The following MYO7B variants were observed in gnomAD, a reference collection of about 807,000 sequenced individuals.
The protein encoded by MYO7B is myosin VIIB.
In MYO7B, 212 loss-of-function variants were observed where a neutral mutation model predicts 259.7. The ratio of observed to expected loss-of-function variants is 0.82; its 90% CI spans 0.73 to 0.91. The LOEUF (loss-of-function observed/expected upper bound fraction) is 0.91, where lower values mean the gene tolerates loss of function less well. Ranked by LOEUF, MYO7B falls within the 40% of genes least tolerant of loss-of-function variation. The probability of loss-of-function intolerance (pLI) is 0.00; values close to 1 mark genes in which losing one functional copy is unlikely to be tolerated. For synonymous variants in MYO7B, 1,197 were observed against 1,166.4 expected, an observed-to-expected ratio of 1.03 and a Z score of -0.54; for missense variants, 2,732 against 2,813.5, an observed-to-expected ratio of 0.97 and a Z score of 0.66.
At position 127,582,398 on chromosome 2, in the gene MYO7B, C is replaced by A. The variant is rs2104937211; in HGVS notation, c.1295C>A (p.Ala432Asp). 6.2e-7 allele frequency: 1 copy of A among 1,613,320 alleles called. No individual in the cohort carries two copies. Among genetic ancestry groups the A allele is most frequent in the South Asian group, 1.1e-5 (1 of 90,838 alleles). ...PAQDPKNVRRAIGLLDIFGFE... is the reference protein window; with the variant it reads ...PAQDPKNVRRDIGLLDIFGFE... Reference sequence around the variant, plus strand: ...CAGGACCCCAAAAATGTGCGGAGGGCCATCGGCCTCCTGGACATATTTGGC... The same window carrying A: ...CAGGACCCCAAAAATGTGCGGAGGGACATCGGCCTCCTGGACATATTTGGC... The change falls in exon 12 of 48, where the codon GCC becomes GAC. Residue 432 changes from alanine to aspartate, a missense_variant. Around this residue, in one of 3 missense-constraint regions of MYO7B, gnomAD observed 1,906 missense variants for 2,026.4 expected, o/e 0.94. Coordinates refer to ENST00000409816, the MANE Select transcript of MYO7B (RefSeq NM_001393586.1).
At position 127,636,192 on chromosome 2, in the gene MYO7B, C is replaced by A. The variant is rs373280398; in HGVS notation, c.6007-16C>A. 2.5e-6 allele frequency: 4 copies of A among 1,598,742 alleles called. No individual in the cohort carries two copies. Among genetic ancestry groups the A allele is most frequent in the South Asian group, 2.2e-5 (2 of 90,390 alleles). ...CTCTGGGCACCCAAGTCCTTACTGGCCCTCCTGTCCCCCAGAGCATCCTTC... is the reference window on the plus strand; with the variant it reads ...CTCTGGGCACCCAAGTCCTTACTGGACCTCCTGTCCCCCAGAGCATCCTTC... On this transcript the variant is annotated splice_polypyrimidine_tract_variant and intron_variant, in intron 44 of 47. Transcript: ENST00000409816. This position sits in a 1 kb window ranked among gnomAD's most constrained non-coding sequence, Gnocchi z 4.5.
At chr2:127,626,902 T>A (rs1299126156) in intron 31 of MYO7B, 73 bp from the exon 32 acceptor site, 1 of 1,363,774 alleles carries the variant, frequency 7.3e-7, no homozygotes, top group East Asian at 2.5e-5. Flanking sequence ...TCAACTCTTT[T>A]ACCCTGAGCA....
chr2:127,545,844 T>C (rs1558790939), intron 1 of MYO7B, among the ~76,000 whole-genome samples: 1 of 152,244 alleles, frequency 6.6e-6, no homozygotes, highest in Non-Finnish European at 1.5e-5. Flanking sequence ...TGTGAATCCT[T>C]GGACCCTGGC....
intron 5 of MYO7B, 22 bp downstream of exon 5, chr2:127,566,849 C>T: frequency 6.3e-7 from 1 of 1,597,728 alleles, no homozygotes; most frequent in Non-Finnish European, 8.5e-7. Flanking sequence ...GGGTCAGGCA[C>T]CACCTCCAGG....
rs781223430 is a variant in MYO7B at position 127,635,764 on chromosome 2, G to A, written c.5863G>A (p.Glu1955Lys). Reference protein sequence around the residue: ...YLRGFHKCSREDAIHLAGLIY... With the variant: ...YLRGFHKCSRKDAIHLAGLIY... ...GCGCGGATTCCACAAGTGTTCGCGGGAGGATGCCATCCACCTGGCGGGCCT... is the reference window on the plus strand; with the variant it reads ...GCGCGGATTCCACAAGTGTTCGCGGAAGGATGCCATCCACCTGGCGGGCCT... Residue 1955 changes from glutamate to lysine, a missense_variant, in exon 44 of 48, where the codon GAG (glutamate) becomes AAG (lysine). This residue lies in a region of MYO7B where 821 missense variants were observed against 769.3 expected (regional missense o/e 1.07). Coordinates refer to ENST00000409816, the MANE Select transcript of MYO7B (RefSeq NM_001393586.1). 2.5e-6 allele frequency: 4 copies of A among 1,602,914 alleles called. No individual in the cohort carries two copies. The highest frequency in any genetic ancestry group is 3.4e-6 in the Non-Finnish European group (4 of 1,174,890).
chr2:127,612,683 C>G (rs1235261022), intron 26 of MYO7B, 80 bp downstream of exon 26: 11 of 1,540,300 alleles, frequency 7.1e-6, no homozygotes, highest in Non-Finnish European at 9.6e-6. Context: ...CACAGCCTCC[C>G]CCACCACCCC....
chr2:127,552,549 G>C (rs987817073), intron 1 of MYO7B, among the ~76,000 whole-genome samples: 4 of 152,200 alleles, frequency 2.6e-5, no homozygotes, highest in African/African-American at 9.7e-5. Flanking sequence ...GGGGTCAGAG[G>C]AGGAGACGTC....
chr2:127,589,875 G>T (rs577760872), intron 15 of MYO7B, among the ~76,000 whole-genome samples: 5 of 140,530 alleles, frequency 3.6e-5, no homozygotes, highest in Admixed American at 3.5e-4. Context: ...TGGGTGGGTG[G>T]GTGGATGGAT....
At chr2:127,596,274 G>C (rs1679766326) in intron 18 of MYO7B, among the ~76,000 whole-genome samples, 188 bp from the exon 19 acceptor site, 1 of 152,158 alleles carries the variant, frequency 6.6e-6, no homozygotes, top group African/African-American at 2.4e-5. Context: ...TCTTGGATTG[G>C]GGTGGGAGGT....
In MYO7B at chr2:127,592,946, G is replaced by A. The variant is rs768388204; in HGVS notation, c.2145G>A (p.Gln715=). 5.0e-6 allele frequency: 8 copies of A among 1,585,044 alleles called. No individual in the cohort carries two copies. The highest frequency in any genetic ancestry group is 6.9e-6 in the Non-Finnish European group (8 of 1,166,612). The change falls in exon 17 of 48, where the codon CAG becomes CAA. Residue 715 remains glutamine (Q), a splice_region_variant and synonymous_variant. Coordinates refer to ENST00000409816, the MANE Select transcript of MYO7B (RefSeq NM_001393586.1). ...GVLLPNAMRM[Q]LQGKLRQMTL... ...TGCTGCCCAACGCCATGCGGATGCA[G>A]GTCAGCGCCCCTCGGGGACGGTCAC...
Position 127,593,642 on chromosome 2 carries a change from A to T in MYO7B, c.2242A>T (p.Arg748Trp). ...AGCGGGGAAGACAAAAATTTTCCTG[A>T]GGGTGAGACCCCGAGGAACCAGCCA... ...WKAGKTKIFLRDHQDTLLEVQ... is the reference protein window; with the variant it reads ...WKAGKTKIFLWDHQDTLLEVQ... The change falls in exon 18 of 48, where the codon AGG (arginine) becomes TGG (tryptophan). Residue 748 changes from arginine (R) to tryptophan (W), a missense_variant and splice_region_variant. This residue lies in a region of MYO7B where 1,906 missense variants were observed against 2,026.4 expected (regional missense o/e 0.94). Transcript: ENST00000409816. The T allele has an allele frequency of 6.2e-7, 1 of 1,613,460 alleles. No homozygotes were observed. The highest frequency in any genetic ancestry group is 8.5e-7 in the Non-Finnish European group (1 of 1,179,730).
intron 1 of MYO7B, among the ~76,000 whole-genome samples, chr2:127,556,060 T>C (rs1202863038): frequency 1.3e-5 from 2 of 152,228 alleles, no homozygotes; most frequent in African/African-American, 2.4e-5. Flanking sequence ...AGTAATTGTT[T>C]TATAAATTTG....
intron 4 of MYO7B, 31 bp downstream of exon 4, chr2:127,565,416 G>GA: frequency 6.2e-7 from 1 of 1,609,862 alleles, no homozygotes. Context: ...GTCCACAGGG[G>GA]AGCCCCTCAC....
At chr2:127,633,671 G>A (rs572344898) in intron 40 of MYO7B, among the ~76,000 whole-genome samples, 3 of 152,326 alleles carry the variant, frequency 2.0e-5, no homozygotes, top group East Asian at 3.9e-4. Context: ...CTGACCATCT[G>A]GGGTGCAGGA....
At chr2:127,625,237 G>A in intron 30 of MYO7B, 131 bp from the exon 31 acceptor site, 1 of 1,087,716 alleles carries the variant, frequency 9.2e-7, no homozygotes, top group East Asian at 2.9e-5. Context: ...GGAGGGGGAA[G>A]GTCCTGCCCG....
At chr2:127,537,888 CGGCAGAAGACGAGCTCA>C (rs1692851606) in intron 1 of MYO7B, among the ~76,000 whole-genome samples, 1 of 152,124 alleles carries the variant, frequency 6.6e-6, no homozygotes, top group Non-Finnish European at 1.5e-5. Context: ...GAGTAGCTAG[CGGCAGAAGACGAGCTCA>C]GGATGAAGTC....
chr2:127,596,522 A>G lies in MYO7B; in HGVS notation c.2305A>G (p.Ser769Gly), dbSNP rs771420896. The part of the protein sequence containing the change: ...RSQVLDRAAL[S>G]IQKVLRGYRY... ...CCAGGTGCTAGACAGAGCGGCGCTC[A>G]GCATCCAGAAAGTCCTTCGGGGCTA... Residue 769 changes from serine to glycine, a missense_variant, in exon 19 of 48, where the codon AGC (serine) becomes GGC (glycine). Around this residue, in one of 3 missense-constraint regions of MYO7B, gnomAD observed 1,906 missense variants for 2,026.4 expected, o/e 0.94. Transcript: ENST00000409816. The G allele has an allele frequency of 6.2e-7, 1 of 1,613,548 alleles. No individual in the cohort carries two copies. Among genetic ancestry groups the G allele is most frequent in the Non-Finnish European group, 8.5e-7 (1 of 1,179,722 alleles).
chr2:127,626,112 T>C (rs1681095532), intron 31 of MYO7B: 1 of 152,308 alleles, frequency 6.6e-6, no homozygotes, highest in African/African-American at 2.4e-5. Context: ...TTGGATATTA[T>C]AGTCGGTGAT....
At chr2:127,548,608 G>T (rs1693327215) in intron 1 of MYO7B, among the ~76,000 whole-genome samples, 1 of 151,704 alleles carries the variant, frequency 6.6e-6, no homozygotes, top group Non-Finnish European at 1.5e-5. Flanking sequence ...TAGAGACGGG[G>T]TTTCACCATG....
Sources: allele counts gnomAD v4.1 joint callset (sites outside exome capture counted in the v4.1 genomes callset), GRCh38; gene constraint gnomAD v4.1.1; regional missense constraint gnomAD v4.1.1; non-coding constraint Gnocchi (gnomAD v3.1); transcripts MANE v1.5; gene names NCBI Gene and HGNC (gene_info 2026-07-23, HGNC 2026-07-21).